TLK2: variants seen among roughly 807,000 people sequenced by gnomAD.
TLK2 encodes serine/threonine-protein kinase tousled-like 2.
In TLK2, 6 loss-of-function variants were observed where a neutral mutation model predicts 117.3. The ratio of observed to expected loss-of-function variants is 0.05; its 90% CI spans 0.03 to 0.10. The LOEUF (loss-of-function observed/expected upper bound fraction) is 0.10. TLK2 is among the 10% of genes least tolerant of loss of function. The pLI is 1.00. For synonymous variants in TLK2, 257 were observed against 316.7 expected, an observed-to-expected ratio of 0.81 and a Z score of 2.00; for missense variants, 299 against 901.2, an observed-to-expected ratio of 0.33 and a Z score of 8.56.
intron 15 of TLK2, among the ~76,000 whole-genome samples, chr17:62,582,186 C>T (rs1044768201): frequency 1.3e-5 from 2 of 152,172 alleles, no homozygotes; most frequent in African/African-American, 2.4e-5. Flanking sequence ...CAGATTTTCT[C>T]TCCCTTCTTA....
upstream of TLK2, among the ~76,000 whole-genome samples, chr17:62,474,369 C>T (rs1567746377): frequency 6.6e-6 from 1 of 151,090 alleles, no homozygotes; most frequent in Non-Finnish European, 1.5e-5. Flanking sequence ...TGAGCCACCG[C>T]GCCCGGCCCT....
chr17:62,599,255 A>G (rs2082701595), intron 17 of TLK2, among the ~76,000 whole-genome samples: 1 of 152,216 alleles, frequency 6.6e-6, no homozygotes, highest in Admixed American at 6.5e-5. Context: ...GGGTGTTAGC[A>G]TGCCCTGCCA....
intron 12 of TLK2, chr17:62,574,543 A>G (rs989273017): frequency 8.0e-6 from 5 of 624,032 alleles, no homozygotes; most frequent in East Asian, 5.6e-5. Flanking sequence ...TTTGAGACGA[A>G]GTCTCACTCC....
intron 2 of TLK2, among the ~76,000 whole-genome samples, chr17:62,503,833 A>T (rs1462172235): frequency 6.7e-6 from 1 of 149,488 alleles, no homozygotes; most frequent in Non-Finnish European, 1.5e-5. Flanking sequence ...GGTTCAAGCC[A>T]TTCTCCTGCC....
At chr17:62,505,590 AT>A (rs773377774) in intron 2 of TLK2, among the ~76,000 whole-genome samples, 2 of 150,434 alleles carry the variant, frequency 1.3e-5, no homozygotes, top group Non-Finnish European at 3.0e-5. Flanking sequence ...CTTTTATTCT[AT>A]TTTTTTGTTT....
Position 62,523,186 on chromosome 17 carries a change from C to T in TLK2, c.267+9C>T. On this transcript the variant is annotated intron_variant, in intron 5 of 21. Coordinates refer to ENST00000346027, the MANE Select transcript of TLK2 (RefSeq NM_006852.6). ...TTAGTGATTACTTTGAGGTAAGTTA[C>T]ATTTTTTGAAAAAACAAACAAACAA... 6.3e-7 allele frequency: 1 copy of T among 1,596,780 alleles called. No individual in the cohort carries two copies. The highest frequency in any genetic ancestry group is 2.2e-5 in the East Asian group (1 of 44,710).
At chr17:62,492,894 G>A (rs1376267513) in intron 2 of TLK2, among the ~76,000 whole-genome samples, 2 of 151,616 alleles carry the variant, frequency 1.3e-5, no homozygotes, top group East Asian at 2.0e-4. Flanking sequence ...TCAGGAGTTC[G>A]AGACCAGCCT....
upstream of TLK2, among the ~76,000 whole-genome samples, chr17:62,475,575 G>A (rs1191516399): frequency 6.6e-6 from 1 of 152,090 alleles, no homozygotes; most frequent in Non-Finnish European, 1.5e-5. Flanking sequence ...TCAATCTCCT[G>A]ACCTCGTGAT....
chr17:62,521,770 G>A (rs193065029), intron 3 of TLK2, among the ~76,000 whole-genome samples: 103 of 152,116 alleles, frequency 6.8e-4, no homozygotes, highest in Non-Finnish European at 8.4e-4. Context: ...CTAGCTGCCT[G>A]TAGATGGGTC....
chr17:62,547,050 A>G (rs1334558447), intron 7 of TLK2, among the ~76,000 whole-genome samples: 1 of 151,948 alleles, frequency 6.6e-6, no homozygotes, highest in East Asian at 1.9e-4. Flanking sequence ...CTCTGAACCT[A>G]TTTTATTTTT....
intron 2 of TLK2, chr17:62,516,281 G>A (rs1404042939): frequency 4.8e-6 from 3 of 622,128 alleles, no homozygotes; most frequent in South Asian, 2.4e-5. Flanking sequence ...TTTTTTTTTT[G>A]GCTGTAAATT....
chr17:62,532,570 C>G (rs1030277624), intron 6 of TLK2, among the ~76,000 whole-genome samples: 15 of 152,108 alleles, frequency 9.9e-5, no homozygotes, highest in African/African-American at 3.6e-4. Context: ...AAAATTATTT[C>G]CTTTATTCAT....
intron 2 of TLK2, among the ~76,000 whole-genome samples, chr17:62,503,208 T>C (rs1200615227): frequency 2.0e-5 from 3 of 151,790 alleles, no homozygotes; most frequent in African/African-American, 7.3e-5. Flanking sequence ...TACAGGCACA[T>C]GCCGCCATGC....
chr17:62,600,457 C>G, intron 17 of TLK2, 194 bp from the exon 18 acceptor site: 1 of 513,156 alleles, frequency 1.9e-6, no homozygotes, highest in Non-Finnish European at 3.4e-6. Context: ...TGTGGAAACT[C>G]TTCAAGAGAA....
rs767059137 is a variant in TLK2, at chr17:62,615,439, G to C, written c.*2874G>C. ...TGTTTTAGCCTTTTCCCAATGGGGT[G>C]GGGGAGGGAAGAAGGATATTAAAAT... On this transcript the variant is annotated 3_prime_UTR_variant, in exon 22 of 22. Transcript: ENST00000346027. 1 of 152,306 alleles carries C rather than the reference G, an allele frequency of 6.6e-6. No individual in the cohort carries two copies. The highest frequency in any genetic ancestry group is 1.5e-5 in the Non-Finnish European group (1 of 68,030). 9.4% of individuals were successfully genotyped at this position (152,306 alleles called of 1,614,324 possible). A position where few individuals can be genotyped will look rare whatever the true frequency, so the allele number is the denominator to read the frequency against.
At chr17:62,598,145 A>AT (rs1049448585) in intron 17 of TLK2, among the ~76,000 whole-genome samples, 37 of 152,276 alleles carry the variant, frequency 2.4e-4, no homozygotes, top group African/African-American at 8.2e-4. Flanking sequence ...GTGGAGTGGA[A>AT]TTTTTTTAAA....
At chr17:62,546,410 C>T in intron 7 of TLK2, among the ~76,000 whole-genome samples, 1 of 111,664 alleles carries the variant, frequency 9.0e-6, no homozygotes, top group Admixed American at 1.0e-4. Flanking sequence ...TTTACTGTTT[C>T]TTTGATTATT....
intron 16 of TLK2, among the ~76,000 whole-genome samples, chr17:62,590,438 G>A (rs566096792): frequency 2.0e-5 from 3 of 151,998 alleles, no homozygotes; most frequent in East Asian, 1.9e-4. Flanking sequence ...GCGAGACTCC[G>A]TCTCAAAAAC....
At chr17:62,557,947 AAGG>A (rs2078979588) in intron 9 of TLK2, among the ~76,000 whole-genome samples, 1 of 152,174 alleles carries the variant, frequency 6.6e-6, no homozygotes, top group African/African-American at 2.4e-5. Context: ...AGCAGTACTA[AAGG>A]AGTAGATAAA....
Sources: gnomAD v4.1 joint callset for allele counts (sites outside exome capture counted in the v4.1 genomes callset) on GRCh38, gnomAD v4.1.1 for gene constraint, MANE v1.5 for transcripts, NCBI Gene and HGNC (gene_info 2026-07-23, HGNC 2026-07-21) for gene names.